Variants in MPZL1 observed in about 807,000 individuals in gnomAD.
The protein encoded by MPZL1 is myelin protein zero like 1.
In MPZL1, 16 loss-of-function variants were observed where a neutral mutation model predicts 29.3. That is an observed-to-expected ratio of 0.55 (90% CI 0.37 to 0.83). MPZL1 has a LOEUF of 0.83. Ranked by LOEUF, MPZL1 falls within the 40% of genes least tolerant of loss-of-function variation. The pLI, the probability that MPZL1 is intolerant of heterozygous loss-of-function variation, is 0.00. For synonymous variants in MPZL1, 143 were observed against 132.0 expected, an observed-to-expected ratio of 1.08 and a Z score of -0.57; for missense variants, 279 against 332.9, an observed-to-expected ratio of 0.84 and a Z score of 1.26.
At chr1:167,733,176 T>C (rs1660304700) in intron 1 of MPZL1, among the ~76,000 whole-genome samples, 1 of 152,210 alleles carries the variant, frequency 6.6e-6, no homozygotes, top group Non-Finnish European at 1.5e-5. Context: ...GACCAGCTGA[T>C]CAATGCCATA....
chr1:167,746,323 ACTGG>A (rs1391378786), intron 1 of MPZL1, among the ~76,000 whole-genome samples: 6 of 151,956 alleles, frequency 3.9e-5, no homozygotes. Context: ...AGAATGATAA[ACTGG>A]CTGGAATGGT....
At chr1:167,751,828 A>G (rs1169112788) in intron 1 of MPZL1, among the ~76,000 whole-genome samples, 2 of 152,234 alleles carry the variant, frequency 1.3e-5, no homozygotes, top group African/African-American at 2.4e-5. Context: ...TGAGTCACTC[A>G]TGGAAATTTT....
At position 167,722,331 on chromosome 1, in the gene MPZL1, G is replaced by C. The variant is rs761747442; in HGVS notation, c.91+89G>C. ...ATCGCGGCGGTCGCAGGCCAGGCGC[G>C]CGCACTGAGAGCCGAGGTGGGGAGG... On this transcript the variant is annotated intron_variant, in intron 1 of 5. Transcript: ENST00000359523. 7.3e-6 allele frequency: 9 copies of C among 1,228,186 alleles called. No homozygotes were observed. The East Asian group carries it at 9.5e-5, about 13-fold the overall frequency. 76.1% of individuals were successfully genotyped at this position (1,228,186 alleles called of 1,614,324 possible).
At position 167,775,257 on chromosome 1, in the gene MPZL1, T is replaced by C. The variant is rs148782861; in HGVS notation, c.606-807T>C. Among the ~76,000 whole-genome samples the C allele has an allele frequency of 2.9e-3, 442 of 152,344 alleles. 3 individuals carry two copies. Among genetic ancestry groups the C allele is most frequent in the African/African-American group, 0.01 (430 of 41,592 alleles). On this transcript the variant is annotated intron_variant, in intron 4 of 5. Transcript: ENST00000359523. ...CAGTTTGCAGAATGCATGGTATGCT[T>C]TGGTCTTAGTAATGACACTTTAAAT... is the stretch of plus-strand genomic sequence containing the variant.
rs760728324 is a variant in MPZL1 at position 167,765,762 on chromosome 1, G to A, written c.258+13G>A. On this transcript the variant is annotated intron_variant, in intron 2 of 5. Coordinates refer to ENST00000359523, the MANE Select transcript of MPZL1 (RefSeq NM_003953.6). ...CACTACTGTGTCGGTAAGAATGCTTGACTTCTCTTGGCTAGTCCTGCCTCA... is the reference window on the plus strand; with the variant it reads ...CACTACTGTGTCGGTAAGAATGCTTAACTTCTCTTGGCTAGTCCTGCCTCA... 2.6e-5 allele frequency: 41 copies of A among 1,584,082 alleles called. No homozygotes were observed. In the East Asian group the frequency reaches 9.3e-4, roughly 36 times the overall value.
chr1:167,777,379 A>G (rs1482119988), intron 5 of MPZL1, among the ~76,000 whole-genome samples: 7 of 152,174 alleles, frequency 4.6e-5, no homozygotes, highest in African/African-American at 1.2e-4. Context: ...GTCATCCCCA[A>G]AAGAAAGGAA....
At chr1:167,769,263 T>G (rs776514780) in intron 2 of MPZL1, among the ~76,000 whole-genome samples, 1 of 152,142 alleles carries the variant, frequency 6.6e-6, no homozygotes, top group Non-Finnish European at 1.5e-5. Context: ...GTTCTGGACT[T>G]TTTTTATACA....
At chr1:167,731,061 C>T (rs986123736) in intron 1 of MPZL1, among the ~76,000 whole-genome samples, 1 of 152,178 alleles carries the variant, frequency 6.6e-6, no homozygotes, top group African/African-American at 2.4e-5. Context: ...GAACCTTGCA[C>T]ACTAATGAAA....
intron 1 of MPZL1, among the ~76,000 whole-genome samples, chr1:167,739,286 T>TATATATATATATATATATAC (rs1660458907): frequency 6.5e-5 from 7 of 108,294 alleles, no homozygotes; most frequent in African/African-American, 3.3e-4. Flanking sequence ...TATATACATA[T>TATATATATATATATATATAC]ATATATATAT....
chr1:167,746,023 CA>C (rs1660639643), intron 1 of MPZL1, among the ~76,000 whole-genome samples: 1 of 152,102 alleles, frequency 6.6e-6, no homozygotes, highest in African/African-American at 2.4e-5. Context: ...TCTTCAATTA[CA>C]TGAACTATGA....
intron 1 of MPZL1, among the ~76,000 whole-genome samples, chr1:167,731,751 C>T (rs1398930372): frequency 3.0e-5 from 4 of 135,058 alleles, no homozygotes; most frequent in Non-Finnish European, 6.4e-5. Context: ...AACTGTGTCT[C>T]AAAAAAAAAA....
At chr1:167,738,626 C>T (rs1291365679) in intron 1 of MPZL1, among the ~76,000 whole-genome samples, 2 of 152,124 alleles carry the variant, frequency 1.3e-5, no homozygotes, top group East Asian at 3.8e-4. Flanking sequence ...TGATTTAGCA[C>T]CATACTCTTG....
At chr1:167,771,456 T>G (rs1209204400) in intron 2 of MPZL1, among the ~76,000 whole-genome samples, 1 of 152,188 alleles carries the variant, frequency 6.6e-6, no homozygotes, top group Non-Finnish European at 1.5e-5. Context: ...CCCCTTTTCT[T>G]TTTGACAAAA....
At position 167,789,692 on chromosome 1, in the gene MPZL1, T is replaced by G. The variant is rs1661667524; in HGVS notation, c.*1771T>G. The G allele has an allele frequency of 1.3e-5, 2 of 152,236 alleles. No individual in the cohort carries two copies. Among genetic ancestry groups the G allele is most frequent in the African/African-American group, 4.8e-5 (2 of 41,468 alleles). The allele number at this position is 152,236 out of a possible 1,614,324, so 9.4% of individuals were successfully genotyped here. The stretch of plus-strand genomic sequence containing the variant: ...TGTGTGAGTCAACAGGGATCAGGTT[T>G]GGTCACCACACATGTCTGAAGCTGG... On this transcript the variant is annotated 3_prime_UTR_variant, in exon 6 of 6. Transcript: ENST00000359523.
At chr1:167,781,700 G>T (rs1383094557) in intron 5 of MPZL1, among the ~76,000 whole-genome samples, 1 of 152,122 alleles carries the variant, frequency 6.6e-6, no homozygotes, top group Non-Finnish European at 1.5e-5. Context: ...AACATAAACA[G>T]ATAGAATTAA....
chr1:167,749,717 A>C (rs1019562209), intron 1 of MPZL1, among the ~76,000 whole-genome samples: 5 of 152,264 alleles, frequency 3.3e-5, no homozygotes, highest in Non-Finnish European at 7.3e-5. Flanking sequence ...TGATCTGGAT[A>C]CCTTCAATAA....
chr1:167,737,917 T>G (rs577047652), intron 1 of MPZL1, among the ~76,000 whole-genome samples: 2 of 143,780 alleles, frequency 1.4e-5, no homozygotes, highest in East Asian at 2.1e-4. Context: ...TCTTGTGTTT[T>G]TTTGTTTGTT....
At chr1:167,777,872 A>C (rs1434413541) in intron 5 of MPZL1, among the ~76,000 whole-genome samples, 1 of 152,194 alleles carries the variant, frequency 6.6e-6, no homozygotes, top group Non-Finnish European at 1.5e-5. Context: ...GATGCTATGG[A>C]CCCACCATAA....
intron 1 of MPZL1, among the ~76,000 whole-genome samples, chr1:167,761,332 C>T (rs1042578220): frequency 3.9e-5 from 6 of 152,008 alleles, no homozygotes; most frequent in African/African-American, 1.5e-4. Flanking sequence ...GTGAAAAATT[C>T]AGAAGAGGGA....
Sources: gnomAD v4.1 joint callset for allele counts (sites outside exome capture counted in the v4.1 genomes callset) on GRCh38, gnomAD v4.1.1 for gene constraint, MANE v1.5 for transcripts, NCBI Gene and HGNC (gene_info 2026-07-23, HGNC 2026-07-21) for gene names.